The following TRMT11 variants were observed in gnomAD, a reference collection of about 807,000 sequenced individuals.
TRMT11 encodes the protein tRNA (guanine(10)-N(2))-methyltransferase TRMT11.
In TRMT11, 53 loss-of-function variants were observed where a neutral mutation model predicts 62.8. The ratio of observed to expected loss-of-function variants is 0.84; its 90% confidence interval spans 0.68 to 1.06. The LOEUF (loss-of-function observed/expected upper bound fraction) is 1.06. TRMT11 is among the 50% of genes least tolerant of loss of function. TRMT11 has a pLI of 0.00. For missense variants in TRMT11, 556 were observed against 553.4 expected, an observed-to-expected ratio of 1.00 and a Z score of -0.05; for synonymous variants, 188 against 190.3, an observed-to-expected ratio of 0.99 and a Z score of 0.10.
At chr6:126,044,805 C>A (rs1051921017) in intron 16 of TRMT11, among the ~76,000 whole-genome samples, 2 of 152,096 alleles carry the variant, frequency 1.3e-5, no homozygotes, top group African/African-American at 4.8e-5. Context: ...CTTTCTAATA[C>A]AACCTACTGT....
chr6:126,170,665 C>T (rs1778319884), intron 21 of TRMT11, among the ~76,000 whole-genome samples: 1 of 152,068 alleles, frequency 6.6e-6, no homozygotes, highest in South Asian at 2.1e-4. Flanking sequence ...CTCCACACTT[C>T]CTGACGTGGT....
At chr6:126,195,662 A>T (rs1163962387) in intron 1 of TRMT11, among the ~76,000 whole-genome samples, 4 of 152,084 alleles carry the variant, frequency 2.6e-5, no homozygotes, top group African/African-American at 9.7e-5. Context: ...TCCCATAGTC[A>T]TGTACTTTGG....
the TRMT11 span, chr6:126,258,253 T>G: frequency 1.7e-6 from 1 of 579,798 alleles, no homozygotes; most frequent in Non-Finnish European, 3.4e-6. Flanking sequence ...GGCCTCCTCC[T>G]GCGGCCCTGG....
intron 11 of TRMT11, among the ~76,000 whole-genome samples, chr6:126,018,644 A>G (rs1439814250): frequency 6.6e-6 from 1 of 151,142 alleles, no homozygotes; most frequent in Non-Finnish European, 1.5e-5. Context: ...CCACCCCCCT[A>G]TCTCTGTCAA....
At chr6:126,161,918 C>T (rs971297814) in intron 21 of TRMT11, among the ~76,000 whole-genome samples, 1 of 151,842 alleles carries the variant, frequency 6.6e-6, no homozygotes, top group Admixed American at 6.6e-5. Context: ...CCTTCACCCA[C>T]TTTTTGATGG....
intron 21 of TRMT11, among the ~76,000 whole-genome samples, chr6:126,127,603 A>G (rs1406398536): frequency 6.6e-6 from 1 of 151,122 alleles, no homozygotes; most frequent in Non-Finnish European, 1.5e-5. Context: ...TGCTGCACCC[A>G]TTAACTCTTC....
chr6:126,153,271 A>G (rs1034277545), intron 21 of TRMT11, among the ~76,000 whole-genome samples: 10 of 152,230 alleles, frequency 6.6e-5, no homozygotes, highest in Non-Finnish European at 8.8e-5. Flanking sequence ...AGGGCTAATA[A>G]CTTTTTATTT....
At chr6:126,096,260 G>T (rs1308241563) in intron 17 of TRMT11, among the ~76,000 whole-genome samples, 1 of 152,154 alleles carries the variant, frequency 6.6e-6, no homozygotes, top group East Asian at 1.9e-4. Context: ...GTAAAGTGGT[G>T]CTCTAGTTTA....
chr6:126,060,487 A>G (rs544285235), intron 17 of TRMT11, among the ~76,000 whole-genome samples: 1 of 152,290 alleles, frequency 6.6e-6, no homozygotes, highest in Admixed American at 6.5e-5. Context: ...GACCGAGTGT[A>G]GTCTAAGAGC....
At chr6:125,995,501 C>T (rs1791360726) in intron 2 of TRMT11, among the ~76,000 whole-genome samples, 1 of 152,172 alleles carries the variant, frequency 6.6e-6, no homozygotes, top group African/African-American at 2.4e-5. Context: ...TAATGTACCT[C>T]ATGATTTTCT....
chr6:126,126,768 C>A (rs1777723502), intron 21 of TRMT11, among the ~76,000 whole-genome samples: 1 of 152,126 alleles, frequency 6.6e-6, no homozygotes, highest in Admixed American at 6.6e-5. Flanking sequence ...CTTGCTTAAA[C>A]CACCCCTCCT....
At chr6:126,087,153 C>T (rs1777225554) in intron 17 of TRMT11, among the ~76,000 whole-genome samples, 1 of 152,166 alleles carries the variant, frequency 6.6e-6, no homozygotes. Flanking sequence ...CCATCATAAG[C>T]TCTATGCAGA....
the TRMT11 span, chr6:126,258,458 G>A: frequency 5.1e-5 from 13 of 254,706 alleles, no homozygotes; most frequent in South Asian, 5.8e-4. Context: ...GCAGCTCCAC[G>A]GAGATTACAG....
At chr6:126,216,397 T>C in the TRMT11 span, among the ~76,000 whole-genome samples, 1 of 152,172 alleles carries the variant, frequency 6.6e-6, no homozygotes, top group Non-Finnish European at 1.5e-5. Context: ...TCATAGGTTC[T>C]GGTATGTTTT....
intron 17 of TRMT11, among the ~76,000 whole-genome samples, chr6:126,068,204 G>A (rs943589764): frequency 6.6e-6 from 1 of 151,922 alleles, no homozygotes; most frequent in African/African-American, 2.4e-5. Flanking sequence ...TTCTGCATAT[G>A]AGCCTTTCTT....
At chr6:126,208,487 T>C (rs1778809349), downstream of TRMT11, among the ~76,000 whole-genome samples, 1 of 152,158 alleles carries the variant, frequency 6.6e-6, no homozygotes, top group Non-Finnish European at 1.5e-5. Context: ...AATAAAAAAT[T>C]GAGTGATTTA....
chr6:126,258,524 C>T, the TRMT11 span, among the ~76,000 whole-genome samples: 5 of 152,186 alleles, frequency 3.3e-5, no homozygotes, highest in African/African-American at 4.8e-5. Context: ...GCCCTTGCTG[C>T]GCCCCTGACT....
At chr6:126,071,175 G>A (rs1421016134) in intron 17 of TRMT11, among the ~76,000 whole-genome samples, 1 of 152,086 alleles carries the variant, frequency 6.6e-6, no homozygotes, top group Non-Finnish European at 1.5e-5. Flanking sequence ...TCCACTCTCA[G>A]TGAAAACTGG....
At chr6:126,219,598 C>T in the TRMT11 span, among the ~76,000 whole-genome samples, 22 of 152,284 alleles carry the variant, frequency 1.4e-4, no homozygotes, top group Non-Finnish European at 2.2e-4. Flanking sequence ...CCTTATTAGC[C>T]TCTGCATCTT....
Sources: gnomAD v4.1 joint callset for allele counts (sites outside exome capture counted in the v4.1 genomes callset) on GRCh38, gnomAD v4.1.1 for gene constraint, MANE v1.5 for transcripts, NCBI Gene and HGNC (gene_info 2026-07-23, HGNC 2026-07-21) for gene names.